Variants in MOB3B observed in about 807,000 individuals in gnomAD.
The protein encoded by MOB3B is MOB kinase activator-like 2B.
MOB3B carries 7 observed loss-of-function variants against 18.7 expected under a neutral mutation model. The ratio of observed to expected loss-of-function variants is 0.37; its 90% CI spans 0.21 to 0.70. MOB3B has a LOEUF of 0.70. MOB3B is among the 30% of genes least tolerant of loss of function. The pLI is 0.52. For synonymous variants in MOB3B, 111 were observed against 99.9 expected (o/e 1.11, Z -0.66); for missense variants, 253 against 281.3 (o/e 0.90, Z 0.72).
chr9:27,443,532 T>C (rs1340567741), intron 2 of MOB3B, among the ~76,000 whole-genome samples: 1 of 152,188 alleles, frequency 6.6e-6, no homozygotes, highest in Non-Finnish European at 1.5e-5. Context: ...TTGGGGAAAA[T>C]ACCCAACCAT....
intron 1 of MOB3B, among the ~76,000 whole-genome samples, chr9:27,496,312 C>A (rs1819898585): frequency 6.6e-6 from 1 of 151,946 alleles, no homozygotes; most frequent in Admixed American, 6.6e-5. Flanking sequence ...TCAGAAGGAC[C>A]ACTGAAAGTG....
At chr9:27,479,045 C>G (rs966927499) in intron 1 of MOB3B, among the ~76,000 whole-genome samples, 5 of 152,124 alleles carry the variant, frequency 3.3e-5, no homozygotes, top group African/African-American at 9.7e-5. Context: ...TATTCTATAC[C>G]TAATTAAGTT....
intron 2 of MOB3B, among the ~76,000 whole-genome samples, chr9:27,381,951 A>G (rs1212227135): frequency 6.6e-6 from 1 of 152,162 alleles, no homozygotes; most frequent in Non-Finnish European, 1.5e-5. Flanking sequence ...AAAAAGTAAC[A>G]TTAAATTGAT....
At chr9:27,457,012 T>C (rs536339394) in intron 1 of MOB3B, among the ~76,000 whole-genome samples, 1 of 152,368 alleles carries the variant, frequency 6.6e-6, no homozygotes, top group East Asian at 1.9e-4. Flanking sequence ...AATAGATTTA[T>C]AGTGGGTATC....
In MOB3B at chr9:27,332,271, G is replaced by A. The variant is rs556644866; in HGVS notation, c.622-1655C>T. Among the ~76,000 whole-genome samples, 7 of 152,286 alleles carry A rather than the reference G, an allele frequency of 4.6e-5. No homozygotes were observed. In the East Asian group the frequency reaches 7.7e-4, roughly 17 times the overall value. ...CTCCCAAAGTGCTGGGATTACAGGT[G>A]TGAACCACTGCACCCAGCTTTTGGC... On this transcript the variant is annotated intron_variant, in intron 3 of 3. Coordinates refer to ENST00000262244, the MANE Select transcript of MOB3B (RefSeq NM_024761.5).
At chr9:27,409,422 TA>T (rs549086775) in intron 2 of MOB3B, among the ~76,000 whole-genome samples, 1 of 152,078 alleles carries the variant, frequency 6.6e-6, no homozygotes, top group Non-Finnish European at 1.5e-5. Flanking sequence ...ATCAAGAAGA[TA>T]AAAAAATAAC....
chr9:27,398,784 T>C (rs1821836405), intron 2 of MOB3B, among the ~76,000 whole-genome samples: 1 of 152,200 alleles, frequency 6.6e-6, no homozygotes, highest in African/African-American at 2.4e-5. Flanking sequence ...GTGATACCTT[T>C]TAAAAGTCAC....
chr9:27,514,478 T>C (rs950369069), intron 1 of MOB3B, among the ~76,000 whole-genome samples: 27 of 152,214 alleles, frequency 1.8e-4, no homozygotes, highest in African/African-American at 6.3e-4. Flanking sequence ...TTCATTTTTG[T>C]TTATGACACT....
intron 1 of MOB3B, among the ~76,000 whole-genome samples, chr9:27,503,863 G>C (rs1820022927): frequency 6.6e-6 from 1 of 152,200 alleles, no homozygotes; most frequent in African/African-American, 2.4e-5. Flanking sequence ...CTGGCTGATG[G>C]AGAAACATAA....
intron 2 of MOB3B, among the ~76,000 whole-genome samples, chr9:27,390,758 T>C (rs942493529): frequency 6.6e-6 from 1 of 152,092 alleles, no homozygotes; most frequent in Non-Finnish European, 1.5e-5. Flanking sequence ...CCAAAATTTG[T>C]ATGTTGAAAT....
chr9:27,520,130 C>T (rs764323319), intron 1 of MOB3B, among the ~76,000 whole-genome samples: 6 of 152,284 alleles, frequency 3.9e-5, no homozygotes, highest in Non-Finnish European at 8.8e-5. Flanking sequence ...TCATGGAGAG[C>T]AATAAATCTT....
At chr9:27,480,281 C>T (rs1005301300) in intron 1 of MOB3B, among the ~76,000 whole-genome samples, 1 of 150,950 alleles carries the variant, frequency 6.6e-6, no homozygotes, top group Non-Finnish European at 1.5e-5. Flanking sequence ...GGACTACAGG[C>T]ACATGCCACC....
At chr9:27,431,836 A>G (rs1359341190) in intron 2 of MOB3B, among the ~76,000 whole-genome samples, 1 of 152,224 alleles carries the variant, frequency 6.6e-6, no homozygotes, top group Non-Finnish European at 1.5e-5. Flanking sequence ...AAGGTCAGTA[A>G]AGTCATGCTT....
At chr9:27,461,265 C>T (rs543419301) in intron 1 of MOB3B, among the ~76,000 whole-genome samples, 2 of 152,268 alleles carry the variant, frequency 1.3e-5, no homozygotes, top group Admixed American at 6.5e-5. Flanking sequence ...AAATGAACAT[C>T]GTCTGACCTT....
intron 1 of MOB3B, among the ~76,000 whole-genome samples, chr9:27,507,679 C>G (rs1475551577): frequency 6.6e-6 from 1 of 152,156 alleles, no homozygotes; most frequent in African/African-American, 2.4e-5. Context: ...AGGCTGAGTC[C>G]CCTCAGACCT....
intron 1 of MOB3B, among the ~76,000 whole-genome samples, chr9:27,482,173 C>T (rs1050213938): frequency 2.0e-5 from 3 of 152,184 alleles, no homozygotes; most frequent in African/African-American, 7.2e-5. Context: ...ACTGTGATCC[C>T]CACCCTGTAA....
At chr9:27,365,162 CAA>C (rs61043046) in intron 2 of MOB3B, among the ~76,000 whole-genome samples, 31 of 109,662 alleles carry the variant, frequency 2.8e-4, no homozygotes, top group Admixed American at 3.0e-4. Flanking sequence ...TTGGGGGAGG[CAA>C]AAAAAAAAAA....
intron 1 of MOB3B, chr9:27,525,886 C>G (rs1420770099): frequency 6.6e-6 from 1 of 152,152 alleles, no homozygotes; most frequent in South Asian, 2.1e-4. Flanking sequence ...TTAAAAGTTA[C>G]TTTGCAGCCA....
chr9:27,381,857 G>A (rs957169412), intron 2 of MOB3B, among the ~76,000 whole-genome samples: 1 of 152,140 alleles, frequency 6.6e-6, no homozygotes, highest in African/African-American at 2.4e-5. Context: ...TGTTGCCTAG[G>A]CTGGTATCAA....
Sources: gnomAD v4.1 joint callset for allele counts (sites outside exome capture counted in the v4.1 genomes callset) on GRCh38, gnomAD v4.1.1 for gene constraint, MANE v1.5 for transcripts, NCBI Gene and HGNC (gene_info 2026-07-23, HGNC 2026-07-21) for gene names.